Variants in FOXP2 observed in about 807,000 individuals in gnomAD.
The protein encoded by FOXP2 is forkhead box protein P2.
A neutral mutation model predicts 115.8 loss-of-function variants in FOXP2; 12 were observed. The ratio of observed to expected loss-of-function variants is 0.10; its 90% CI spans 0.07 to 0.17. The LOEUF is 0.17. Among genes scored for constraint, FOXP2 ranks in the 10% least tolerant of loss-of-function variants. FOXP2 has a pLI of 1.00. For missense variants in FOXP2, 629 were observed against 843.5 expected (o/e 0.75, Z 3.15); for synonymous variants, 328 against 297.7 (o/e 1.10, Z -1.05).
At position 114,659,372 on chromosome 7, in the gene FOXP2, T is replaced by C. The variant is rs765314962; in HGVS notation, c.1485T>C (p.Tyr495=). The C allele has an allele frequency of 6.2e-6, 10 of 1,611,916 alleles. No homozygotes were observed. The Admixed American group carries it at 1.5e-4, about 24-fold the overall frequency. The change falls in exon 12 of 17, where the codon TAT becomes TAC. Residue 495 remains tyrosine, a synonymous_variant. Coordinates refer to ENST00000350908, the MANE Select transcript of FOXP2 (RefSeq NM_014491.4). The part of the protein sequence containing the change: ...IPMSSEIAPN[Y]EFYKNADVRP... Reference sequence around the variant, plus strand: ...TTTTTATAGAAATTGCCCCAAACTATGAATTTTATAAAAATGCAGATGTCA... The same window carrying C: ...TTTTTATAGAAATTGCCCCAAACTACGAATTTTATAAAAATGCAGATGTCA...
At chr7:114,193,947 G>A (rs763391411) in intron 1 of FOXP2, among the ~76,000 whole-genome samples, 15 of 152,084 alleles carry the variant, frequency 9.9e-5, no homozygotes, top group Non-Finnish European at 1.8e-4. Context: ...TGCAATGTGG[G>A]ATAGAAAAGG....
intron 1 of FOXP2, among the ~76,000 whole-genome samples, chr7:114,245,055 C>T (rs1795248135): frequency 6.6e-6 from 1 of 152,234 alleles, no homozygotes; most frequent in African/African-American, 2.4e-5. Context: ...AGCCACCGCG[C>T]CCGGCCGTAG....
intron 2 of FOXP2, among the ~76,000 whole-genome samples, chr7:114,372,786 A>G (rs1792045421): frequency 6.6e-6 from 1 of 151,962 alleles, no homozygotes; most frequent in Admixed American, 6.6e-5. Context: ...TCTGTTCTCG[A>G]CAAGTAAATA....
intron 2 of FOXP2, among the ~76,000 whole-genome samples, chr7:114,293,823 A>G (rs80102369): frequency 6.6e-6 from 1 of 152,102 alleles, no homozygotes; most frequent in Non-Finnish European, 1.5e-5. Context: ...AAACCTGTTT[A>G]CTTTATAAAT....
upstream of FOXP2, chr7:114,087,623 G>C (rs1339175609): frequency 6.8e-6 from 1 of 147,000 alleles, no homozygotes; most frequent in Non-Finnish European, 1.5e-5. Context: ...GCGCACGTGC[G>C]GCGGCGGCGG....
intron 1 of FOXP2, among the ~76,000 whole-genome samples, chr7:114,417,919 G>T (rs1369325629): frequency 6.6e-6 from 1 of 151,930 alleles, no homozygotes; most frequent in African/African-American, 2.4e-5. Flanking sequence ...ACAGTAAAGT[G>T]CTATGCCCCA....
rs1808747637 is a variant in FOXP2 at position 114,692,929 on chromosome 7, A to T, written c.*3003A>T. 2.2e-6 allele frequency: 1 copy of T among 453,834 alleles called. No individual in the cohort carries two copies. Among genetic ancestry groups the T allele is most frequent in the African/African-American group, 2.0e-5 (1 of 49,988 alleles). The allele number at this position is 453,834 out of a possible 1,614,324, so 28.1% of individuals were successfully genotyped here. Reference sequence around the variant, plus strand: ...GTTAGAAGTCATGGTTGAGAATTGTAACAGCTGTTATTCGTTCTGTATTCA... The same window carrying T: ...GTTAGAAGTCATGGTTGAGAATTGTTACAGCTGTTATTCGTTCTGTATTCA... On this transcript the variant is annotated 3_prime_UTR_variant, in exon 17 of 17. Coordinates refer to ENST00000350908, the MANE Select transcript of FOXP2 (RefSeq NM_014491.4).
At chr7:114,515,608 C>G (rs1158919281) in intron 2 of FOXP2, among the ~76,000 whole-genome samples, 1 of 151,722 alleles carries the variant, frequency 6.6e-6, no homozygotes, top group East Asian at 1.9e-4. Flanking sequence ...ATTGTAGATT[C>G]TGGATATTAG....
At chr7:114,234,344 A>T (rs1794957526) in intron 1 of FOXP2, among the ~76,000 whole-genome samples, 1 of 152,212 alleles carries the variant, frequency 6.6e-6, no homozygotes. Context: ...AATGCAGGTT[A>T]AAATGAGTGA....
intron 3 of FOXP2, among the ~76,000 whole-genome samples, chr7:114,607,925 T>C (rs1440570055): frequency 1.3e-5 from 2 of 152,218 alleles, no homozygotes; most frequent in African/African-American, 4.8e-5. Context: ...CAATTTTTTA[T>C]CAATTATACA....
At chr7:114,206,993 A>G (rs2129160897) in intron 1 of FOXP2, among the ~76,000 whole-genome samples, 1 of 152,316 alleles carries the variant, frequency 6.6e-6, no homozygotes, top group East Asian at 1.9e-4. Flanking sequence ...AGTCCCTGGT[A>G]ACCTTATTCT....
intron 2 of FOXP2, among the ~76,000 whole-genome samples, chr7:114,354,275 A>G (rs1791562649): frequency 6.6e-6 from 1 of 152,050 alleles, no homozygotes; most frequent in South Asian, 2.1e-4. Context: ...GAATTATGCC[A>G]CTAACTTTCC....
rs116476639 is a variant in FOXP2 at position 114,453,454 on chromosome 7, C to T, written c.168+26775C>T. Among the ~76,000 whole-genome samples the T allele has an allele frequency of 7.2e-3, 1,097 of 152,084 alleles. 15 individuals are homozygous for T. Among genetic ancestry groups the T allele is most frequent in the African/African-American group, 0.025 (1,031 of 41,496 alleles). ...TCCATAACTGTTTTCTATTCCATCA[C>T]ATTGCCACCTTCTCTCCAAAAGCAA... On this transcript the variant is annotated intron_variant, in intron 2 of 16. Transcript: ENST00000350908.
intron 2 of FOXP2, among the ~76,000 whole-genome samples, chr7:114,311,702 A>G (rs1462192335): frequency 1.3e-5 from 2 of 152,110 alleles, no homozygotes; most frequent in Admixed American, 1.3e-4. Flanking sequence ...GGGGTACATG[A>G]TAGTAGGGAG....
At chr7:114,168,425 G>C (rs1471033901) in intron 1 of FOXP2, among the ~76,000 whole-genome samples, 2 of 152,162 alleles carry the variant, frequency 1.3e-5, no homozygotes, top group Admixed American at 1.3e-4. Flanking sequence ...CTTTTGTTAT[G>C]TTTTAGCAGA....
intron 16 of FOXP2, among the ~76,000 whole-genome samples, chr7:114,670,974 T>C (rs1563071348): frequency 6.6e-6 from 1 of 152,132 alleles, no homozygotes; most frequent in Non-Finnish European, 1.5e-5. Context: ...TGAAAGCTTT[T>C]TTTTTGCCTC....
At chr7:114,475,265 C>T (rs1038406657) in intron 2 of FOXP2, among the ~76,000 whole-genome samples, 1 of 152,074 alleles carries the variant, frequency 6.6e-6, no homozygotes, top group Admixed American at 6.6e-5. Context: ...GAGTCCGTTA[C>T]TTGTCTCTCT....
chr7:114,297,052 G>T, intron 2 of FOXP2: 1 of 380,690 alleles, frequency 2.6e-6, no homozygotes. Context: ...TCCACTATAT[G>T]CATTTTTTTT....
rs183027952 is a variant in FOXP2 at position 114,329,860 on chromosome 7, A to G, written c.-11+41751A>G. On this transcript the variant is annotated intron_variant, in intron 2 of 17. Coordinates refer to the FOXP2 transcript ENST00000634411. ...CCTGGCTAATTTTTGTATTTTTAGT[A>G]GAGAAGGGGTTTCACCATATTGGCC... is the stretch of plus-strand genomic sequence containing the variant. Among the ~76,000 whole-genome samples, 5 of 152,016 alleles carry G rather than the reference A, an allele frequency of 3.3e-5. No homozygotes were observed. The East Asian group carries it at 9.7e-4, about 30-fold the overall frequency.
Sources: allele counts gnomAD v4.1 joint callset (sites outside exome capture counted in the v4.1 genomes callset), GRCh38; gene constraint gnomAD v4.1.1; transcripts MANE v1.5; gene names NCBI Gene and HGNC (gene_info 2026-07-23, HGNC 2026-07-21).